The following BANP variants were observed in gnomAD, a reference collection of about 807,000 sequenced individuals.
BANP encodes the protein protein BANP.
A neutral mutation model predicts 68.1 loss-of-function variants in BANP; 11 were observed. The ratio of observed to expected loss-of-function variants is 0.16; its 90% confidence interval spans 0.10 to 0.27. The LOEUF (loss-of-function observed/expected upper bound fraction) is 0.27, where lower values mean the gene tolerates loss of function less well. BANP is among the 10% of genes least tolerant of loss of function. BANP has a pLI of 1.00. For missense variants in BANP, 504 were observed against 722.7 expected (o/e 0.70, Z 3.47); for synonymous variants, 329 against 303.2 (o/e 1.09, Z -0.88).
chr16:88,015,830 C>A (rs1464671657), intron 6 of BANP, among the ~76,000 whole-genome samples: 1 of 152,288 alleles, frequency 6.6e-6, no homozygotes, highest in Non-Finnish European at 1.5e-5. Flanking sequence ...TGTACCGGTG[C>A]TGCCAGGAGG....
chr16:88,031,761 C>T (rs2152735936), intron 8 of BANP, among the ~76,000 whole-genome samples: 1 of 151,944 alleles, frequency 6.6e-6, no homozygotes, highest in South Asian at 2.1e-4. Flanking sequence ...GTAAAAAATA[C>T]ATGGAAAGCT....
At position 87,987,700 on chromosome 16, in the gene BANP, G is replaced by A. The variant is rs1360913615; in HGVS notation, c.362+3441G>A. ...TCTGCCACTGCACTCCAGGCTGAGCGAGACCCTAACTCAAAAAAAAAAAAA... is the reference window on the plus strand; with the variant it reads ...TCTGCCACTGCACTCCAGGCTGAGCAAGACCCTAACTCAAAAAAAAAAAAA... On this transcript the variant is annotated intron_variant, in intron 4 of 13. Transcript: ENST00000682872. Among the ~76,000 whole-genome samples, 11 of 64,756 alleles carry A rather than the reference G, an allele frequency of 1.7e-4. No homozygotes were observed. In the Middle Eastern group the frequency reaches 0.036, roughly 210 times the overall value. The allele number at this position is 64,756 out of a possible 152,430, so 42.5% of individuals were successfully genotyped here.
rs2079493473 is a variant in BANP, at chr16:88,036,855, C to A, written c.1273-1118C>A. Among the ~76,000 whole-genome samples the A allele has an allele frequency of 6.6e-6, 1 of 152,106 alleles. No individual in the cohort carries two copies. ...TCTGTGTCTGTGGGTGGGTCAGGGACCATCTCCTTGGAGATGTCAGGAGAT... is the reference window on the plus strand; with the variant it reads ...TCTGTGTCTGTGGGTGGGTCAGGGAACATCTCCTTGGAGATGTCAGGAGAT... On this transcript the variant is annotated intron_variant, in intron 10 of 13. Coordinates refer to ENST00000682872, the MANE Select transcript of BANP (RefSeq NM_001386991.1). The surrounding 1 kb of genome is among the most constrained non-coding windows in gnomAD (Gnocchi z 4.2).
At chr16:88,006,057 A>C (rs756491605) in intron 5 of BANP, 33 bp from the exon 6 acceptor site, 2 of 1,612,876 alleles carry the variant, frequency 1.2e-6, no homozygotes, top group Admixed American at 1.7e-5. Flanking sequence ...GGCTCTTACC[A>C]CATCGGGCTG....
At chr16:88,048,351 A>C (rs772210897) in intron 11 of BANP, among the ~76,000 whole-genome samples, 1 of 152,230 alleles carries the variant, frequency 6.6e-6, no homozygotes, top group Non-Finnish European at 1.5e-5. Flanking sequence ...AAGCGCAGAC[A>C]CGATATGGGA....
At chr16:87,953,921 C>T (rs1030267559) in intron 1 of BANP, among the ~76,000 whole-genome samples, 2 of 152,306 alleles carry the variant, frequency 1.3e-5, no homozygotes, top group African/African-American at 4.8e-5. Context: ...GCTCTTCCTC[C>T]TTGTGGAGAC....
intron 2 of BANP, chr16:87,980,780 C>G (rs2063109084): frequency 2.2e-6 from 1 of 458,554 alleles, no homozygotes. Context: ...AGTCAGAAGT[C>G]AGAAGCTTGC....
chr16:87,980,879 C>T, intron 2 of BANP, 157 bp from the exon 3 acceptor site: 1 of 601,646 alleles, frequency 1.7e-6, no homozygotes, highest in Non-Finnish European at 2.9e-6. Flanking sequence ...TGTTTTTCTG[C>T]CTGACTGAGA....
chr16:87,988,655 T>A (rs1350243406), intron 4 of BANP, among the ~76,000 whole-genome samples: 2 of 152,154 alleles, frequency 1.3e-5, no homozygotes, highest in East Asian at 1.9e-4. Flanking sequence ...AGCCCGGGGT[T>A]CCCAGGGCTC....
At chr16:87,988,698 C>T (rs1279351814) in intron 4 of BANP, among the ~76,000 whole-genome samples, 3 of 152,122 alleles carry the variant, frequency 2.0e-5, no homozygotes, top group Admixed American at 6.5e-5. Context: ...CTGGGGAGTC[C>T]GAGTGTAATC....
intron 4 of BANP, among the ~76,000 whole-genome samples, chr16:87,990,540 T>G (rs61192078): frequency 6.6e-6 from 1 of 152,358 alleles, no homozygotes; most frequent in African/African-American, 2.4e-5. Context: ...GTCATTGATA[T>G]TCTCAGTCAA....
intron 11 of BANP, among the ~76,000 whole-genome samples, chr16:88,042,391 C>T (rs988515154): frequency 1.1e-4 from 17 of 152,250 alleles, no homozygotes; most frequent in African/African-American, 3.9e-4. Context: ...GTCTCAGCCT[C>T]CCCTCCAGGA....
At chr16:88,056,214 T>C (rs746429873) in intron 11 of BANP, among the ~76,000 whole-genome samples, 2 of 152,234 alleles carry the variant, frequency 1.3e-5, no homozygotes, top group African/African-American at 2.4e-5. Flanking sequence ...GTGGAGTGGC[T>C]GTGGAACTCC....
intron 13 of BANP, among the ~76,000 whole-genome samples, chr16:88,073,583 G>A (rs995111371): frequency 6.6e-6 from 1 of 152,184 alleles, no homozygotes; most frequent in Non-Finnish European, 1.5e-5. Flanking sequence ...AGGCAAACTC[G>A]TTCGGCAGCG....
intron 4 of BANP, among the ~76,000 whole-genome samples, chr16:87,993,172 C>G (rs2066323831): frequency 6.6e-6 from 1 of 152,252 alleles, no homozygotes; most frequent in Non-Finnish European, 1.5e-5. Flanking sequence ...GTCAGCAGGA[C>G]TCAGTGCTTA....
chr16:88,006,286 C>T lies in BANP; in HGVS notation c.655+21C>T, dbSNP rs767518723. On this transcript the variant is annotated intron_variant, in intron 6 of 13. Transcript: ENST00000682872. Reference sequence around the variant, plus strand: ...GGAAGGTGCGTCCAGGGCGGCTTTCCTCGGCCAGAGCGCCAGTACAATTGT... The same window carrying T: ...GGAAGGTGCGTCCAGGGCGGCTTTCTTCGGCCAGAGCGCCAGTACAATTGT... The T allele has an allele frequency of 8.9e-6, 14 of 1,568,764 alleles. No homozygotes were observed. The Admixed American group carries it at 2.2e-4, about 25-fold the overall frequency.
At position 88,071,298 on chromosome 16, in the gene BANP, C is replaced by T. The variant is rs548886331; in HGVS notation, c.1378-771C>T. ...GCCCTCAGGGCTGGGGCTGCCCACC[C>T]GCCTGCCTGGGCCGTCTTGACACCG... On this transcript the variant is annotated intron_variant, in intron 12 of 13. Coordinates refer to ENST00000682872, the MANE Select transcript of BANP (RefSeq NM_001386991.1). This position sits in a 1 kb window ranked among gnomAD's most constrained non-coding sequence, Gnocchi z 6.5. The T allele has an allele frequency of 7.9e-5, 29 of 365,288 alleles. No homozygotes were observed. Among genetic ancestry groups the T allele is most frequent in the Middle Eastern group, 4.8e-4 (1 of 2,100 alleles). 22.6% of individuals were successfully genotyped at this position (365,288 alleles called of 1,614,324 possible). A position where few individuals can be genotyped will look rare whatever the true frequency, so the allele number is the denominator to read the frequency against.
At chr16:88,052,813 A>G (rs1291482012) in intron 11 of BANP, among the ~76,000 whole-genome samples, 1 of 151,352 alleles carries the variant, frequency 6.6e-6, no homozygotes, top group East Asian at 1.9e-4. Flanking sequence ...CACTACCACT[A>G]CCGCCTTCAC....
chr16:88,053,925 C>T lies in BANP; in HGVS notation c.1312-11342C>T, dbSNP rs867542313. 1.5e-4 allele frequency among the ~76,000 whole-genome samples: 15 copies of T among 101,420 alleles called. 3 individuals are homozygous for T. Among genetic ancestry groups the T allele is most frequent in the South Asian group, 5.6e-4 (2 of 3,568 alleles). 66.5% of individuals were successfully genotyped at this position (101,420 alleles called of 152,430 possible). On this transcript the variant is annotated intron_variant, in intron 11 of 13. Transcript: ENST00000682872. ...CCACCACCACCACCTCTACCACTGT[C>T]ATCTCCATCATCATCACCAACACAA... is the stretch of plus-strand genomic sequence containing the variant.
Sources: allele counts gnomAD v4.1 joint callset (sites outside exome capture counted in the v4.1 genomes callset), GRCh38; gene constraint gnomAD v4.1.1; non-coding constraint Gnocchi (gnomAD v3.1); transcripts MANE v1.5; gene names NCBI Gene and HGNC (gene_info 2026-07-23, HGNC 2026-07-21).